EDARADD: variants seen among roughly 807,000 people sequenced by gnomAD.
EDARADD encodes the protein ectodysplasin-A receptor-associated adapter protein.
Under a neutral mutation model 25.6 loss-of-function variants are expected in EDARADD, and 20 were observed. The observed-to-expected ratio is 0.78, with a 90% CI of 0.55 to 1.14. The LOEUF is 1.14. Among genes scored for constraint, EDARADD ranks in the 50% most tolerant of loss-of-function variants. The pLI is 0.00. For missense variants in EDARADD, 225 were observed against 270.1 expected (o/e 0.83, Z 1.17); for synonymous variants, 86 against 94.4 (o/e 0.91, Z 0.52).
At position 236,483,350 on chromosome 1, in the gene EDARADD, C is replaced by A; in HGVS notation, c.*701C>A. 3 of 1,569,600 alleles carry A rather than the reference C, an allele frequency of 1.9e-6. No individual in the cohort carries two copies. Among genetic ancestry groups the A allele is most frequent in the Non-Finnish European group, 2.6e-6 (3 of 1,142,474 alleles). ...AGACTCGCTATATGGGGAAGGGTGT[C>A]TCAAAGCCTGTTGAGCCCATCAATA... On this transcript the variant is annotated 3_prime_UTR_variant, in exon 6 of 6. Transcript: ENST00000334232.
intron 4 of EDARADD, among the ~76,000 whole-genome samples, chr1:236,450,460 T>C (rs2103026676): frequency 6.6e-6 from 1 of 152,304 alleles, no homozygotes; most frequent in East Asian, 1.9e-4. Context: ...TATAAAGAGT[T>C]AATTTGATGT....
intron 4 of EDARADD, among the ~76,000 whole-genome samples, chr1:236,467,149 C>G (rs953706509): frequency 6.6e-6 from 1 of 151,916 alleles, no homozygotes; most frequent in African/African-American, 2.4e-5. Context: ...CTCTCAGACC[C>G]GAGAAAATAG....
intron 3 of EDARADD, 88 bp downstream of exon 3, chr1:236,414,387 A>G: frequency 9.0e-7 from 1 of 1,110,146 alleles, no homozygotes; most frequent in Non-Finnish European, 1.4e-6. Flanking sequence ...TCATTATTTA[A>G]AATTGTAAAG....
rs534592411 is a variant in EDARADD at position 236,360,997 on chromosome 1, G to A, written c.-6+10158G>A. Reference sequence around the variant, plus strand: ...CCAGGGCCTGGAAACAGGTGTTGGAGTGACACCCAAAATAGTCTCATTTTA... The same window carrying A: ...CCAGGGCCTGGAAACAGGTGTTGGAATGACACCCAAAATAGTCTCATTTTA... On this transcript the variant is annotated intron_variant, in intron 3 of 7. Transcript: ENST00000439430. 1.6e-4 allele frequency among the ~76,000 whole-genome samples: 24 copies of A among 152,266 alleles called. No homozygotes were observed. In the South Asian group the frequency reaches 4.4e-3, roughly 28 times the overall value.
At chr1:236,464,423 CTTTTT>C (rs35064410) in intron 4 of EDARADD, among the ~76,000 whole-genome samples, 7 of 72,982 alleles carry the variant, frequency 9.6e-5, no homozygotes, top group African/African-American at 2.4e-4. Flanking sequence ...CTTGCTGCAA[CTTTTT>C]TTTTTTTTTT....
chr1:236,393,349 G>A (rs565417973), upstream of EDARADD, among the ~76,000 whole-genome samples: 12 of 150,852 alleles, frequency 8.0e-5, no homozygotes, highest in African/African-American at 1.2e-4. Flanking sequence ...GGGTACTATC[G>A]GGAAATGTTA....
At position 236,395,007 on chromosome 1, in the gene EDARADD, A is replaced by G. The variant is rs1667487156; in HGVS notation, c.61+502A>G. Among the ~76,000 whole-genome samples, 1 of 152,252 alleles carries G rather than the reference A, an allele frequency of 6.6e-6. No homozygotes were observed. Among genetic ancestry groups the G allele is most frequent in the Non-Finnish European group, 1.5e-5 (1 of 68,048 alleles). On this transcript the variant is annotated intron_variant, in intron 1 of 5. Transcript: ENST00000334232. This position sits in a 1 kb window ranked among gnomAD's most constrained non-coding sequence, Gnocchi z 6.9. ...ATGCCAAAGAAAAATCAAAATAGAA[A>G]GTACCAGCGTGTGCCATCATGCAGC...
chr1:236,364,294 A>G (rs566043561), intron 3 of EDARADD, among the ~76,000 whole-genome samples: 1 of 152,180 alleles, frequency 6.6e-6, no homozygotes, highest in Non-Finnish European at 1.5e-5. Context: ...ATATGAAGCT[A>G]TTTGGTCTGT....
intron 4 of EDARADD, among the ~76,000 whole-genome samples, chr1:236,435,370 G>A (rs943931882): frequency 6.6e-6 from 1 of 152,188 alleles, no homozygotes; most frequent in Non-Finnish European, 1.5e-5. Context: ...CCATTGATTA[G>A]GCTATGCCCC....
chr1:236,465,521 T>C (rs1659163486), intron 4 of EDARADD, among the ~76,000 whole-genome samples: 1 of 152,222 alleles, frequency 6.6e-6, no homozygotes, highest in Admixed American at 6.5e-5. Flanking sequence ...CAAACATGTC[T>C]GTCTCCAAGA....
intron 4 of EDARADD, among the ~76,000 whole-genome samples, chr1:236,436,935 G>T (rs1358678881): frequency 2.6e-5 from 4 of 152,198 alleles, no homozygotes; most frequent in Non-Finnish European, 4.4e-5. Context: ...GAAATAGATT[G>T]CCAGATGGTA....
chr1:236,479,995 A>G (rs1476834083), intron 5 of EDARADD, among the ~76,000 whole-genome samples: 2 of 151,288 alleles, frequency 1.3e-5, no homozygotes, highest in Non-Finnish European at 2.9e-5. Flanking sequence ...ATGATGAGCT[A>G]TGACTGTGCC....
At chr1:236,427,355 C>A (rs1558120729) in intron 3 of EDARADD, 37 bp from the exon 4 acceptor site, 1 of 1,454,056 alleles carries the variant, frequency 6.9e-7, no homozygotes, top group Admixed American at 1.9e-5. Flanking sequence ...TAAAATCACA[C>A]TTTGTTTCTT....
intron 3 of EDARADD, among the ~76,000 whole-genome samples, chr1:236,380,951 G>C (rs1572117178): frequency 6.6e-6 from 1 of 152,144 alleles, no homozygotes; most frequent in African/African-American, 2.4e-5. Context: ...CATATGTCAA[G>C]TGCACAACTT....
At chr1:236,429,320 C>T (rs1387496044) in intron 4 of EDARADD, among the ~76,000 whole-genome samples, 1 of 150,892 alleles carries the variant, frequency 6.6e-6, no homozygotes, top group Non-Finnish European at 1.5e-5. Context: ...GATTCTCATG[C>T]CTCAGCCTCC....
intron 3 of EDARADD, among the ~76,000 whole-genome samples, chr1:236,381,899 C>A (rs1004956941): frequency 7.1e-6 from 1 of 141,484 alleles, no homozygotes; most frequent in Non-Finnish European, 1.5e-5. Context: ...ACAGTCACAG[C>A]CTCCAGAGTA....
chr1:236,349,597 A>G (rs1296869850), intron 2 of EDARADD, among the ~76,000 whole-genome samples: 1 of 152,098 alleles, frequency 6.6e-6, no homozygotes, highest in African/African-American at 2.4e-5. Flanking sequence ...CTGGTTGACA[A>G]TTGGTTGAAT....
At chr1:236,424,957 T>C (rs545394860) in intron 3 of EDARADD, among the ~76,000 whole-genome samples, 117 of 152,380 alleles carry the variant, frequency 7.7e-4, no homozygotes, top group African/African-American at 2.6e-3. Flanking sequence ...CATAAAGTTG[T>C]GGCTTTCAGT....
At chr1:236,429,429 G>A (rs1160035630) in intron 4 of EDARADD, among the ~76,000 whole-genome samples, 21 of 151,760 alleles carry the variant, frequency 1.4e-4, no homozygotes, top group Admixed American at 6.6e-4. Context: ...CCAGGCTGGA[G>A]TGCAGTGGTG....
Sources: allele counts gnomAD v4.1 joint callset (sites outside exome capture counted in the v4.1 genomes callset), GRCh38; gene constraint gnomAD v4.1.1; non-coding constraint Gnocchi (gnomAD v3.1); transcripts MANE v1.5; gene names NCBI Gene and HGNC (gene_info 2026-07-23, HGNC 2026-07-21).